The following EXD3 variants were observed in gnomAD, a reference collection of about 807,000 sequenced individuals.
EXD3 encodes the protein exonuclease 3'-5' domain containing 3, also known as exonuclease mut-7 homolog.
Under a neutral mutation model 98.0 loss-of-function variants are expected in EXD3, and 92 were observed. That is an observed-to-expected ratio of 0.94 (90% CI 0.79 to 1.12). The LOEUF is 1.12. Ranked by LOEUF, EXD3 falls within the 50% of genes most tolerant of loss-of-function variation. The pLI is 0.00. For synonymous variants in EXD3, 569 were observed against 526.0 expected (o/e 1.08, Z -1.12); for missense variants, 1,222 against 1,191.6 (o/e 1.03, Z -0.38).
chr9:137,377,998 T>TTGGCGTC (rs1241899400), intron 3 of EXD3, among the ~76,000 whole-genome samples: 18 of 151,354 alleles, frequency 1.2e-4, no homozygotes, highest in Admixed American at 4.6e-4. Flanking sequence ...TTTCGCTATG[T>TTGGCGTC]TGGCCAGACT....
rs1837588074 is a variant in EXD3 at position 137,403,820 on chromosome 9, A to T, written c.-47-8416T>A. Among the ~76,000 whole-genome samples, 1 of 152,168 alleles carries T rather than the reference A, an allele frequency of 6.6e-6. No individual in the cohort carries two copies. The highest frequency in any genetic ancestry group is 2.1e-4 in the South Asian group (1 of 4,826). ...CCATGCCCAGAACCGTGGATGCCCC[A>T]GCCTGGGCTCTTCACCAGGAAATGA... On this transcript the variant is annotated intron_variant, in intron 1 of 21. Transcript: ENST00000340951. This position sits in a 1 kb window ranked among gnomAD's most constrained non-coding sequence, Gnocchi z 6.1.
intron 7 of EXD3, among the ~76,000 whole-genome samples, chr9:137,358,842 C>T (rs906599790): frequency 3.3e-5 from 5 of 151,840 alleles, no homozygotes; most frequent in South Asian, 2.1e-4. Flanking sequence ...TGCCCCACCA[C>T]GGCTGGCTAA....
At position 137,389,102 on chromosome 9, in the gene EXD3, G is replaced by T. The variant is rs143746451; in HGVS notation, c.56-5725C>A. Among the ~76,000 whole-genome samples the T allele has an allele frequency of 4.1e-3, 617 of 152,302 alleles. 3 individuals are homozygous for T. The highest frequency in any genetic ancestry group is 0.014 in the African/African-American group (575 of 41,570). ...CCTGGTGGCCTTCTGGCGTCCGGGG[G>T]CAGCTGAGATGGGGCCACCCCCTCC... On this transcript the variant is annotated intron_variant, in intron 2 of 21. Coordinates refer to ENST00000340951, the MANE Select transcript of EXD3 (RefSeq NM_017820.5).
At chr9:137,342,949 G>A (rs963052926) in intron 17 of EXD3, among the ~76,000 whole-genome samples, 16 of 152,212 alleles carry the variant, frequency 1.1e-4, no homozygotes, top group Admixed American at 8.5e-4. Context: ...GTGAAACCCC[G>A]TCTCTACTAA....
Position 137,319,293 on chromosome 9 carries a change from G to A in EXD3, c.2184+4432C>T, listed in dbSNP as rs541787517. Among the ~76,000 whole-genome samples, 5 of 152,338 alleles carry A rather than the reference G, an allele frequency of 3.3e-5. No individual in the cohort carries two copies. The East Asian group carries it at 7.7e-4, about 23-fold the overall frequency. ...GCACTGTGGCTGCGGTGGCAGGCCC[G>A]GGGTCTGCAGCTGCGTGGAGCTGGG... On this transcript the variant is annotated intron_variant, in intron 19 of 21. Transcript: ENST00000340951.
chr9:137,314,145 G>C (rs1247980486), intron 19 of EXD3, among the ~76,000 whole-genome samples: 1 of 152,186 alleles, frequency 6.6e-6, no homozygotes, highest in East Asian at 1.9e-4. Flanking sequence ...TGGACAGGGC[G>C]AGCCAGCGGC....
chr9:137,330,275 GA>G (rs1278834634), intron 17 of EXD3, among the ~76,000 whole-genome samples: 13 of 134,018 alleles, frequency 9.7e-5, no homozygotes, highest in South Asian at 5.2e-4. Context: ...AGCTACACAG[GA>G]ACTACACAGG....
intron 17 of EXD3, chr9:137,345,820 G>A (rs901217838): frequency 2.0e-5 from 3 of 151,984 alleles, no homozygotes; most frequent in Non-Finnish European, 4.4e-5. Context: ...TGAGTAAGGT[G>A]GTCACAAATG....
intron 5 of EXD3, among the ~76,000 whole-genome samples, chr9:137,370,098 G>A (rs1835513769): frequency 6.6e-6 from 1 of 152,170 alleles, no homozygotes; most frequent in South Asian, 2.1e-4. Context: ...TTGCTCATGG[G>A]CAGCCCTGGT....
In EXD3 at chr9:137,325,890, G is replaced by C. The variant is rs1335147558; in HGVS notation, c.1999-1747C>G. Among the ~76,000 whole-genome samples the C allele has an allele frequency of 2.0e-5, 3 of 152,020 alleles. No homozygotes were observed. In the East Asian group the frequency reaches 5.8e-4, roughly 29 times the overall value. ...AGATTGCTTGAGTCCAGGAGTCCTAGACCAGCCTGGGCAACAGAGCAAAAC... is the reference window on the plus strand; with the variant it reads ...AGATTGCTTGAGTCCAGGAGTCCTACACCAGCCTGGGCAACAGAGCAAAAC... On this transcript the variant is annotated intron_variant, in intron 17 of 21. Transcript: ENST00000340951.
chr9:137,418,291 T>C (rs775744521), intron 1 of EXD3, among the ~76,000 whole-genome samples: 53 of 152,110 alleles, frequency 3.5e-4, no homozygotes, highest in Non-Finnish European at 6.9e-4. Flanking sequence ...GAGGTTGCAG[T>C]GAGAGCCGAG....
chr9:137,381,602 G>A (rs1338382015), intron 3 of EXD3, among the ~76,000 whole-genome samples: 2 of 152,044 alleles, frequency 1.3e-5, no homozygotes, highest in African/African-American at 4.8e-5. Context: ...CCCGCCCGGT[G>A]TGCTGGCTCC....
At chr9:137,337,758 G>A (rs1833435931) in intron 17 of EXD3, among the ~76,000 whole-genome samples, 1 of 151,832 alleles carries the variant, frequency 6.6e-6, no homozygotes, top group African/African-American at 2.4e-5. Context: ...AGAGAGATGA[G>A]CATGACTGGA....
intron 17 of EXD3, among the ~76,000 whole-genome samples, chr9:137,333,391 C>A (rs1043063281): frequency 6.6e-6 from 1 of 152,142 alleles, no homozygotes; most frequent in African/African-American, 2.4e-5. Flanking sequence ...AACTTCCTTT[C>A]GTATGCACAT....
chr9:137,383,865 C>T (rs1050890879), intron 2 of EXD3, among the ~76,000 whole-genome samples: 3 of 152,240 alleles, frequency 2.0e-5, no homozygotes, highest in Admixed American at 6.5e-5. Flanking sequence ...GGGAGGCCCC[C>T]GACCTCACTG....
chr9:137,361,126 C>A (rs1834983562), intron 7 of EXD3, among the ~76,000 whole-genome samples: 1 of 87,194 alleles, frequency 1.1e-5, no homozygotes, highest in African/African-American at 3.2e-5. Context: ...CATCTTCCCT[C>A]CTGGAGAAAC....
chr9:137,319,739 C>T (rs1476394204), intron 19 of EXD3, among the ~76,000 whole-genome samples: 1 of 152,214 alleles, frequency 6.6e-6, no homozygotes, highest in African/African-American at 2.4e-5. Flanking sequence ...CTCCATTCTC[C>T]CACCTGGTGA....
At chr9:137,327,485 G>C (rs1832491640) in intron 17 of EXD3, among the ~76,000 whole-genome samples, 1 of 152,096 alleles carries the variant, frequency 6.6e-6, no homozygotes. Context: ...GGTGGTGATG[G>C]ATATGTGATA....
chr9:137,343,011 T>G (rs1833728508), intron 17 of EXD3: 1 of 152,326 alleles, frequency 6.6e-6, no homozygotes, highest in South Asian at 2.1e-4. Context: ...TCCCAGCTAC[T>G]GGGGAGCCTG....
Sources: gnomAD v4.1 joint callset for allele counts (sites outside exome capture counted in the v4.1 genomes callset) on GRCh38, gnomAD v4.1.1 for gene constraint, Gnocchi (gnomAD v3.1) non-coding constraint, MANE v1.5 for transcripts, NCBI Gene and HGNC (gene_info 2026-07-23, HGNC 2026-07-21) for gene names.